PIK3CD: variants seen among roughly 807,000 people sequenced by gnomAD.
PIK3CD encodes phosphatidylinositol-4,5-bisphosphate 3-kinase catalytic subunit delta.
Under a neutral mutation model 122.9 loss-of-function variants are expected in PIK3CD, and 20 were observed. The ratio of observed to expected loss-of-function variants is 0.16; its 90% CI spans 0.11 to 0.24. The LOEUF (loss-of-function observed/expected upper bound fraction) is 0.24. Among genes scored for constraint, PIK3CD ranks in the 10% least tolerant of loss-of-function variants. The probability of loss-of-function intolerance (pLI) is 1.00; values close to 1 mark genes in which losing one functional copy is unlikely to be tolerated. For synonymous variants in PIK3CD, 596 were observed against 593.4 expected (o/e 1.00, Z -0.06); for missense variants, 787 against 1,406.3 (o/e 0.56, Z 7.04).
intron 1 of PIK3CD, among the ~76,000 whole-genome samples, chr1:9,658,030 G>A (rs149373042): frequency 3.9e-5 from 6 of 152,204 alleles, no homozygotes; most frequent in East Asian, 1.9e-4. Flanking sequence ...CATGAAATCT[G>A]GAAGAAGTGC....
intron 1 of PIK3CD, chr1:9,653,176 C>T (rs567667872): frequency 6.5e-6 from 1 of 153,270 alleles, no homozygotes; most frequent in African/African-American, 2.4e-5. Flanking sequence ...TCCCTAGGGA[C>T]TTTGAAACCA....
chr1:9,656,565 G>T (rs1457187053), intron 1 of PIK3CD, among the ~76,000 whole-genome samples: 1 of 152,086 alleles, frequency 6.6e-6, no homozygotes, highest in African/African-American at 2.4e-5. Context: ...GGAGTTTGAG[G>T]CTGCAGTGAG....
At chr1:9,675,303 G>A (rs1301218189) in intron 1 of PIK3CD, among the ~76,000 whole-genome samples, 2 of 146,302 alleles carry the variant, frequency 1.4e-5, no homozygotes, top group Non-Finnish European at 3.0e-5. Flanking sequence ...GGAGAATGGC[G>A]TGAACCTGGG....
chr1:9,676,018 A>G (rs1222414435), intron 1 of PIK3CD, among the ~76,000 whole-genome samples: 1 of 146,152 alleles, frequency 6.8e-6, no homozygotes, highest in Admixed American at 6.9e-5. Context: ...TGCAACCTCT[A>G]CCTCCCGGGT....
intron 2 of PIK3CD, among the ~76,000 whole-genome samples, chr1:9,699,623 T>C (rs1456330461): frequency 6.7e-6 from 1 of 150,348 alleles, no homozygotes; most frequent in Non-Finnish European, 1.5e-5. Context: ...TGAGATGGAG[T>C]TTCACTCTTA....
chr1:9,708,561 A>G (rs187425943), intron 2 of PIK3CD, among the ~76,000 whole-genome samples: 7 of 152,050 alleles, frequency 4.6e-5, no homozygotes, highest in African/African-American at 9.7e-5. Context: ...AAAAACATGC[A>G]TGGACGTCGG....
chr1:9,709,905 C>T (rs1193640770), intron 2 of PIK3CD, among the ~76,000 whole-genome samples: 1 of 151,914 alleles, frequency 6.6e-6, no homozygotes, highest in Non-Finnish European at 1.5e-5. Flanking sequence ...ATTTGGGAGG[C>T]TGAGGCAGGA....
rs1357190140 is a variant in PIK3CD at position 9,720,533 on chromosome 1, G to A, written c.1471-78G>A. 1.9e-6 allele frequency: 3 copies of A among 1,545,086 alleles called. No homozygotes were observed. Among genetic ancestry groups the A allele is most frequent in the Non-Finnish European group, 8.7e-7 (1 of 1,143,386 alleles). ...CAGCGCCCCCTCAAGGATGATTGGGGTGGCAATGCCCGGCCTGGGGGTCCT... is the reference window on the plus strand; with the variant it reads ...CAGCGCCCCCTCAAGGATGATTGGGATGGCAATGCCCGGCCTGGGGGTCCT... On this transcript the variant is annotated intron_variant, in intron 11 of 23. Coordinates refer to ENST00000377346, the MANE Select transcript of PIK3CD (RefSeq NM_005026.5). The surrounding 1 kb of genome is among the most constrained non-coding windows in gnomAD (Gnocchi z 9.0).
chr1:9,638,264 G>A, the PIK3CD span, among the ~76,000 whole-genome samples: 13 of 152,094 alleles, frequency 8.5e-5, no homozygotes, highest in South Asian at 8.3e-4. Flanking sequence ...ACAGGCAACC[G>A]CCCAGATAGA....
chr1:9,666,227 C>CT (rs573382597), intron 1 of PIK3CD, among the ~76,000 whole-genome samples: 1,454 of 44,188 alleles, frequency 0.033, 384 homozygotes, highest in Non-Finnish European at 0.037. Context: ...CGCGCCCGGT[C>CT]TTTTTTTTTT....
rs1230821629 is a variant in PIK3CD, at chr1:9,715,341, C to A, written c.142-200C>A. Reference sequence around the variant, plus strand: ...TCCCAGCACCTCCCAGGTGCCCCCACAGAAGGGCATCAGTGGAGAAGCCTG... The same window carrying A: ...TCCCAGCACCTCCCAGGTGCCCCCAAAGAAGGGCATCAGTGGAGAAGCCTG... On this transcript the variant is annotated intron_variant, in intron 3 of 23. Transcript: ENST00000377346. The surrounding 1 kb of genome is among the most constrained non-coding windows in gnomAD (Gnocchi z 4.1). Among the ~76,000 whole-genome samples the A allele has an allele frequency of 2.6e-5, 4 of 152,216 alleles. No homozygotes were observed. The highest frequency in any genetic ancestry group is 2.9e-5 in the Non-Finnish European group (2 of 68,036).
Position 9,717,471 on chromosome 1 carries a change from A to T in PIK3CD, c.931-66A>T, listed in dbSNP as rs11121482. 4.6e-6 allele frequency: 7 copies of T among 1,506,140 alleles called. No individual in the cohort carries two copies. In the Admixed American group the frequency reaches 1.2e-4, roughly 25 times the overall value. The allele number at this position is 1,506,140 out of a possible 1,614,324, so 93.3% of individuals were successfully genotyped here. On this transcript the variant is annotated intron_variant, in intron 7 of 23. Coordinates refer to ENST00000377346, the MANE Select transcript of PIK3CD (RefSeq NM_005026.5). This position sits in a 1 kb window ranked among gnomAD's most constrained non-coding sequence, Gnocchi z 5.4. ...CCGCCCCCAAGTGGTCACGGGCCTC[A>T]CCATAGGCCAGGGAGACAAGCTGCA...
In PIK3CD at chr1:9,689,927, GC is replaced by G. The variant is rs1249181067; in HGVS notation, c.-137-1538del. Reference sequence around the variant, plus strand: ...TTCGCGGTGGGATTCTCAGCTATGGGCCGCGCGACGCTCTCCTCTCCTAATC... The same window carrying G: ...TTCGCGGTGGGATTCTCAGCTATGGGCGCGCGACGCTCTCCTCTCCTAATC... On this transcript the variant is annotated intron_variant, in intron 1 of 23. Coordinates refer to ENST00000377346, the MANE Select transcript of PIK3CD (RefSeq NM_005026.5). This position sits in a 1 kb window ranked among gnomAD's most constrained non-coding sequence, Gnocchi z 6.1. Among the ~76,000 whole-genome samples the G allele has an allele frequency of 6.6e-6, 1 of 151,984 alleles. No homozygotes were observed. The highest frequency in any genetic ancestry group is 1.9e-4 in the East Asian group (1 of 5,160).
At chr1:9,714,488 T>C (rs567633447) in intron 3 of PIK3CD, among the ~76,000 whole-genome samples, 3 of 152,152 alleles carry the variant, frequency 2.0e-5, no homozygotes, top group Non-Finnish European at 4.4e-5. Context: ...TTAATTGATA[T>C]GTTTATTAGG....
chr1:9,650,339 T>G (rs1230776935), upstream of PIK3CD, among the ~76,000 whole-genome samples: 1 of 152,094 alleles, frequency 6.6e-6, no homozygotes, highest in Non-Finnish European at 1.5e-5. Context: ...GGAGAATTGC[T>G]TGAACCCAGG....
chr1:9,707,337 T>C (rs74974038), intron 2 of PIK3CD, among the ~76,000 whole-genome samples: 3 of 150,862 alleles, frequency 2.0e-5, no homozygotes, highest in South Asian at 2.1e-4. Context: ...TTTTTTTTTT[T>C]CCTTGAGTGT....
chr1:9,709,644 C>T (rs1449565450), intron 2 of PIK3CD, among the ~76,000 whole-genome samples: 1 of 151,824 alleles, frequency 6.6e-6, no homozygotes. Context: ...ATTTGTGTTA[C>T]AGTGAGCTAT....
the PIK3CD span, among the ~76,000 whole-genome samples, chr1:9,634,966 G>A: frequency 6.6e-6 from 1 of 152,152 alleles, no homozygotes; most frequent in Admixed American, 6.6e-5. Context: ...GTTGAGATGA[G>A]GTCACATTGA....
chr1:9,694,030 G>A (rs1646307124), intron 2 of PIK3CD, among the ~76,000 whole-genome samples: 1 of 152,160 alleles, frequency 6.6e-6, no homozygotes, highest in African/African-American at 2.4e-5. Flanking sequence ...GGTTGGCCCA[G>A]CCCAGGGCAG....
Sources: allele counts gnomAD v4.1 joint callset (sites outside exome capture counted in the v4.1 genomes callset), GRCh38; gene constraint gnomAD v4.1.1; non-coding constraint Gnocchi (gnomAD v3.1); transcripts MANE v1.5; gene names NCBI Gene and HGNC (gene_info 2026-07-23, HGNC 2026-07-21).